NLRP5: variants seen among roughly 807,000 people sequenced by gnomAD.
NLRP5 encodes the protein NACHT, LRR and PYD domains-containing protein 5.
In NLRP5, 93 loss-of-function variants were observed where a neutral mutation model predicts 113.1. The ratio of observed to expected loss-of-function variants is 0.82; its 90% CI spans 0.70 to 0.98. The LOEUF (loss-of-function observed/expected upper bound fraction) is 0.98, where lower values mean the gene tolerates loss of function less well. Ranked by LOEUF, NLRP5 falls within the 50% of genes least tolerant of loss-of-function variation. The pLI is 0.00. For synonymous variants in NLRP5, 751 were observed against 600.7 expected (o/e 1.25, Z -3.66); for missense variants, 1,808 against 1,514.3 (o/e 1.19, Z -3.22).
chr19:55,987,781 C>T, the NLRP5 span: 39 of 1,531,946 alleles, frequency 2.5e-5, no homozygotes, highest in Non-Finnish European at 3.4e-5. Context: ...AGAAAATAAC[C>T]TCAACCAGCA....
intron 2 of NLRP5, among the ~76,000 whole-genome samples, chr19:56,007,359 C>T (rs1339984981): frequency 6.8e-6 from 1 of 146,116 alleles, no homozygotes; most frequent in Non-Finnish European, 1.5e-5. Context: ...TTGAGACTGT[C>T]TTTTTTTTTT....
chr19:56,003,676 T>C, intron 1 of NLRP5, 60 bp from the exon 2 acceptor site: 1 of 1,545,280 alleles, frequency 6.5e-7, no homozygotes, highest in African/African-American at 1.4e-5. Flanking sequence ...TGATGTTAGT[T>C]GTATCTACTT....
intron 4 of NLRP5, among the ~76,000 whole-genome samples, chr19:56,017,252 T>A (rs556252203): frequency 6.6e-6 from 1 of 152,262 alleles, no homozygotes; most frequent in African/African-American, 2.4e-5. Context: ...ACTGGTAGGT[T>A]TGTTTTCTCT....
At chr19:56,055,537 CTTTTTTTTTTTT>C (rs1160965587) in intron 13 of NLRP5, among the ~76,000 whole-genome samples, 5 of 76,458 alleles carry the variant, frequency 6.5e-5, no homozygotes, top group East Asian at 7.7e-4. Context: ...CTTTCTCTGT[CTTTTTTTTTTTT>C]TTTTTTTTTT....
At chr19:56,046,107 T>A (rs1001931035) in intron 11 of NLRP5, among the ~76,000 whole-genome samples, 1 of 152,232 alleles carries the variant, frequency 6.6e-6, no homozygotes, top group African/African-American at 2.4e-5. Flanking sequence ...AGATAGCTTT[T>A]ATTACATGAA....
chr19:56,001,235 A>T (rs1273033583), intron 1 of NLRP5, among the ~76,000 whole-genome samples: 1 of 149,212 alleles, frequency 6.7e-6, no homozygotes, highest in East Asian at 2.0e-4. Flanking sequence ...TGAGGTGGGA[A>T]GCTTGCTTCA....
intron 6 of NLRP5, among the ~76,000 whole-genome samples, chr19:56,026,181 G>A (rs1012398296): frequency 6.6e-6 from 1 of 152,052 alleles, no homozygotes; most frequent in African/African-American, 2.4e-5. Flanking sequence ...GGCTGACTCA[G>A]GCCCCACTGA....
In NLRP5 at chr19:56,027,756, A is replaced by G; in HGVS notation, c.1523A>G (p.His508Arg). The change falls in exon 7 of 15, where the codon CAT becomes CGT. Residue 508 changes from histidine (H) to arginine (R), a missense_variant. Coordinates refer to ENST00000390649, the MANE Select transcript of NLRP5 (RefSeq NM_153447.4). ...GGCCTGCACGCCGCTTTTGTGTTTC[A>G]TCAGCTCACCCCTCGAGGCGTGGTC... is the stretch of plus-strand genomic sequence containing the variant. 8 of 1,613,772 alleles carry G rather than the reference A, an allele frequency of 5.0e-6. No individual in the cohort carries two copies. The highest frequency in any genetic ancestry group is 6.8e-6 in the Non-Finnish European group (8 of 1,179,870).
At chr19:56,043,933 A>G (rs1983625213) in intron 11 of NLRP5, among the ~76,000 whole-genome samples, 1 of 151,604 alleles carries the variant, frequency 6.6e-6, no homozygotes, top group South Asian at 2.1e-4. Context: ...GGTCCCAGCT[A>G]TTTATCTTTA....
rs199699089 is a variant in NLRP5, at chr19:56,007,892, C to CGT, written c.443-894_443-893dup. ...GTTTGTGTGTGTGTGTGTGTGTGCGCGTGCGCGCGTGCGTGTGTGTGTGTG... is the reference window on the plus strand; with the variant it reads ...GTTTGTGTGTGTGTGTGTGTGTGCGCGTGTGCGCGCGTGCGTGTGTGTGTGTG... On this transcript the variant is annotated intron_variant, in intron 2 of 14. Transcript: ENST00000390649. Among the ~76,000 whole-genome samples the CGT allele has an allele frequency of 3.0e-3, 318 of 106,880 alleles. 21 individuals are homozygous for CGT. In the East Asian group the frequency reaches 0.061, roughly 21 times the overall value. 70.1% of individuals were successfully genotyped at this position (106,880 alleles called of 152,430 possible). A position where few individuals can be genotyped will look rare whatever the true frequency, so the allele number is the denominator to read the frequency against.
At chr19:56,014,286 C>T (rs1242977490) in intron 3 of NLRP5, among the ~76,000 whole-genome samples, 1 of 152,034 alleles carries the variant, frequency 6.6e-6, no homozygotes. Context: ...CCAGACCCTC[C>T]TGGCCAACAT....
At chr19:56,011,459 TTCAA>T (rs1243769276) in intron 3 of NLRP5, among the ~76,000 whole-genome samples, 1 of 152,110 alleles carries the variant, frequency 6.6e-6, no homozygotes, top group African/African-American at 2.4e-5. Flanking sequence ...ATTGCACACT[TTCAA>T]TGGGTGAATT....
chr19:56,060,372 AT>A (rs1456630041), intron 14 of NLRP5, among the ~76,000 whole-genome samples: 1 of 152,206 alleles, frequency 6.6e-6, no homozygotes, highest in African/African-American at 2.4e-5. Context: ...AGAAGTCCTC[AT>A]TTAATGTCAT....
the NLRP5 span, among the ~76,000 whole-genome samples, chr19:55,989,623 C>T: frequency 6.6e-6 from 1 of 152,116 alleles, no homozygotes; most frequent in Non-Finnish European, 1.5e-5. Flanking sequence ...TCCCTGCCCC[C>T]GTAGTGTCTC....
upstream of NLRP5, chr19:55,999,643 T>C: frequency 9.6e-7 from 1 of 1,046,080 alleles, no homozygotes; most frequent in East Asian, 2.4e-5. Flanking sequence ...CAGTAACCCT[T>C]GAAGAGGCAG....
At position 56,027,506 on chromosome 19, in the gene NLRP5, C is replaced by G; in HGVS notation, c.1273C>G (p.Arg425Gly). Residue 425 changes from arginine (R) to glycine (G), a missense_variant, in exon 7 of 15, where the codon CGT (arginine) becomes GGT (glycine). Physicochemically the swap from Arg to Gly is moderately radical, Grantham distance 125. Transcript: ENST00000390649. ...GCTCAAGTCAGAGGTCGTGTCTCCCCGTTACCTGTTAGTTAGAGGAATCTC... is the reference window on the plus strand; with the variant it reads ...GCTCAAGTCAGAGGTCGTGTCTCCCGGTTACCTGTTAGTTAGAGGAATCTC... The G allele has an allele frequency of 1.2e-6, 2 of 1,613,906 alleles. No individual in the cohort carries two copies. Among genetic ancestry groups the G allele is most frequent in the Non-Finnish European group, 8.5e-7 (1 of 1,179,876 alleles).
intron 9 of NLRP5, among the ~76,000 whole-genome samples, chr19:56,037,508 C>T (rs891703672): frequency 6.6e-6 from 1 of 151,972 alleles, no homozygotes; most frequent in Non-Finnish European, 1.5e-5. Context: ...GCCTGGCCAA[C>T]ATGATGAAAC....
At chr19:56,054,355 C>T (rs1463946428) in intron 13 of NLRP5, among the ~76,000 whole-genome samples, 1 of 152,120 alleles carries the variant, frequency 6.6e-6, no homozygotes, top group Non-Finnish European at 1.5e-5. Flanking sequence ...GTCAGGAGTT[C>T]AAGACCAGCT....
chr19:56,003,311 C>G (rs1981727319), intron 1 of NLRP5, among the ~76,000 whole-genome samples: 1 of 152,174 alleles, frequency 6.6e-6, no homozygotes, highest in Non-Finnish European at 1.5e-5. Flanking sequence ...GCCACCACTC[C>G]TGGCTAATTT....
Sources: allele counts gnomAD v4.1 joint callset (sites outside exome capture counted in the v4.1 genomes callset), GRCh38; gene constraint gnomAD v4.1.1; transcripts MANE v1.5; gene names NCBI Gene and HGNC (gene_info 2026-07-23, HGNC 2026-07-21).